Variants in CAPN13 observed in about 807,000 individuals in gnomAD.
CAPN13 encodes the protein calpain-13.
A neutral mutation model predicts 98.4 loss-of-function variants in CAPN13; 90 were observed. The ratio of observed to expected loss-of-function variants is 0.92; its 90% confidence interval spans 0.77 to 1.09. The LOEUF is 1.09. Ranked by LOEUF, CAPN13 falls within the 50% of genes least tolerant of loss-of-function variation. The probability of loss-of-function intolerance (pLI) is 0.00; values close to 1 mark genes in which losing one functional copy is unlikely to be tolerated. For missense variants in CAPN13, 887 were observed against 841.3 expected, an observed-to-expected ratio of 1.05 and a Z score of -0.67; for synonymous variants, 330 against 305.5, an observed-to-expected ratio of 1.08 and a Z score of -0.84.
At chr2:30,738,644 C>A (rs1019070785) in intron 15 of CAPN13, among the ~76,000 whole-genome samples, 187 bp from the exon 16 acceptor site, 17 of 152,238 alleles carry the variant, frequency 1.1e-4, no homozygotes, top group African/African-American at 4.1e-4. Context: ...CCCTGCACAT[C>A]TGTCGTGTTG....
chr2:30,756,899 C>T lies in CAPN13; in HGVS notation c.866+1147G>A, dbSNP rs79708896. 7.0e-3 allele frequency among the ~76,000 whole-genome samples: 1,070 copies of T among 152,272 alleles called. 12 individuals are homozygous for T. The highest frequency in any genetic ancestry group is 0.025 in the African/African-American group (1,020 of 41,530). On this transcript the variant is annotated intron_variant, in intron 8 of 22. Coordinates refer to ENST00000295055, the MANE Select transcript of CAPN13 (RefSeq NM_144575.3). ...CTTATTCCATCTCCGCTTACCTCGC[C>T]CTCCATCCCAATCATACTTTCATCC...
chr2:30,748,756 T>C (rs1159195047), intron 11 of CAPN13, among the ~76,000 whole-genome samples: 1 of 152,074 alleles, frequency 6.6e-6, no homozygotes, highest in Non-Finnish European at 1.5e-5. Context: ...ATAACAACGG[T>C]GTACTACTGC....
chr2:30,789,046 A>T (rs1674472811), intron 1 of CAPN13, among the ~76,000 whole-genome samples: 1 of 152,210 alleles, frequency 6.6e-6, no homozygotes. Context: ...ACACATGTAC[A>T]TTTCTTCAAT....
At chr2:30,783,981 G>A (rs1674127646) in intron 2 of CAPN13, among the ~76,000 whole-genome samples, 1 of 152,062 alleles carries the variant, frequency 6.6e-6, no homozygotes, top group Non-Finnish European at 1.5e-5. Context: ...AGGAGTTTGA[G>A]ACCAGCCTGA....
intron 15 of CAPN13, among the ~76,000 whole-genome samples, chr2:30,738,885 ATG>A (rs140991906): frequency 6.6e-6 from 1 of 150,608 alleles, no homozygotes; most frequent in Non-Finnish European, 1.5e-5. Flanking sequence ...TGTTGTGTGT[ATG>A]TGTGTGTGTG....
chr2:30,727,989 C>T (rs186787549), intron 22 of CAPN13, among the ~76,000 whole-genome samples: 2 of 151,932 alleles, frequency 1.3e-5, no homozygotes, highest in South Asian at 2.1e-4. Context: ...GAATGAAGTA[C>T]TGATACACGC....
At chr2:30,746,766 C>A (rs953634810) in intron 11 of CAPN13, 2 of 158,694 alleles carry the variant, frequency 1.3e-5, no homozygotes, top group African/African-American at 4.8e-5. Flanking sequence ...ACTGGTCACT[C>A]ATGCTCTGTG....
At chr2:30,755,654 A>G (rs1481664840) in intron 8 of CAPN13, among the ~76,000 whole-genome samples, 1 of 152,122 alleles carries the variant, frequency 6.6e-6, no homozygotes, top group Admixed American at 6.6e-5. Flanking sequence ...CAAAAGCTCA[A>G]TGAGACCTTT....
chr2:30,788,598 A>T (rs1674448869), intron 1 of CAPN13, among the ~76,000 whole-genome samples: 1 of 152,146 alleles, frequency 6.6e-6, no homozygotes, highest in Admixed American at 6.5e-5. Flanking sequence ...CCTGTGTTGC[A>T]CCCATTTCCA....
chr2:30,743,718 C>T (rs1671773226), intron 12 of CAPN13, 139 bp from the exon 13 acceptor site: 3 of 786,702 alleles, frequency 3.8e-6, no homozygotes, highest in Non-Finnish European at 4.4e-6. Flanking sequence ...GGAGACAGTG[C>T]TCAGCTGAAG....
chr2:30,790,075 C>T (rs950375440), intron 1 of CAPN13, among the ~76,000 whole-genome samples: 3 of 152,194 alleles, frequency 2.0e-5, no homozygotes, highest in Non-Finnish European at 4.4e-5. Flanking sequence ...GAAGCTTGTT[C>T]CCGCCTCCAC....
At chr2:30,793,198 T>C (rs1674690285) in intron 1 of CAPN13, among the ~76,000 whole-genome samples, 1 of 151,776 alleles carries the variant, frequency 6.6e-6, no homozygotes, top group Admixed American at 6.6e-5. Flanking sequence ...AACAAGAAGG[T>C]CCTATTTTGG....
intron 22 of CAPN13, among the ~76,000 whole-genome samples, chr2:30,728,407 G>C (rs1322505751): frequency 6.6e-6 from 1 of 152,102 alleles, no homozygotes; most frequent in Non-Finnish European, 1.5e-5. Flanking sequence ...GGGGTGATAT[G>C]TGAGTGAATA....
chr2:30,803,037 GCCTCTGC>G (rs1675385609), intron 1 of CAPN13, among the ~76,000 whole-genome samples: 1 of 152,180 alleles, frequency 6.6e-6, no homozygotes, highest in Non-Finnish European at 1.5e-5. Flanking sequence ...CCTGCAGAAA[GCCTCTGC>G]CCTCATCTCC....
intron 8 of CAPN13, 72 bp downstream of exon 8, chr2:30,757,974 T>G: frequency 1.7e-6 from 2 of 1,158,970 alleles, no homozygotes; most frequent in Admixed American, 2.7e-5. Context: ...TAGCCCCTGC[T>G]CTCATGGGCA....
At chr2:30,771,971 T>C (rs1478237643) in intron 4 of CAPN13, among the ~76,000 whole-genome samples, 2 of 152,210 alleles carry the variant, frequency 1.3e-5, no homozygotes, top group Non-Finnish European at 2.9e-5. Context: ...CCTAGGACAA[T>C]GCCTGGCACA....
intron 2 of CAPN13, among the ~76,000 whole-genome samples, chr2:30,785,308 A>C (rs1020264627): frequency 6.6e-6 from 1 of 152,190 alleles, no homozygotes; most frequent in African/African-American, 2.4e-5. Context: ...AGTTTTCTAT[A>C]AAGTTAGGAG....
rs751125734 is a variant in CAPN13, at chr2:30,758,150, C to A, written c.775-13G>T. 108 of 1,578,014 alleles carry A rather than the reference C, an allele frequency of 6.8e-5. No homozygotes were observed. Among genetic ancestry groups the A allele is most frequent in the Non-Finnish European group, 8.9e-5 (103 of 1,162,288 alleles). ...TTCGGTATTGAATCTGTAAAGAAAA[C>A]AGAAAAGGAAACTCAGTGCTCTACA... is the stretch of plus-strand genomic sequence containing the variant. On this transcript the variant is annotated splice_polypyrimidine_tract_variant and intron_variant, in intron 7 of 22. Transcript: ENST00000295055.
chr2:30,794,995 C>A (rs926476277), intron 1 of CAPN13, among the ~76,000 whole-genome samples: 1 of 151,782 alleles, frequency 6.6e-6, no homozygotes. Context: ...AAAGTTTATA[C>A]CTTAAACATA....
Sources: allele counts gnomAD v4.1 joint callset (sites outside exome capture counted in the v4.1 genomes callset), GRCh38; gene constraint gnomAD v4.1.1; transcripts MANE v1.5; gene names NCBI Gene and HGNC (gene_info 2026-07-23, HGNC 2026-07-21).